TFB1M: variants seen among roughly 807,000 people sequenced by gnomAD.
TFB1M encodes transcription factor B1, mitochondrial.
Under a neutral mutation model 31.1 loss-of-function variants are expected in TFB1M, and 27 were observed. That is an observed-to-expected ratio of 0.87 (90% CI 0.64 to 1.20). The LOEUF (loss-of-function observed/expected upper bound fraction) is 1.20, where lower values mean the gene tolerates loss of function less well. TFB1M is among the 50% of genes most tolerant of loss of function. The pLI is 0.00. For missense variants in TFB1M, 394 were observed against 418.7 expected (o/e 0.94, Z 0.51); for synonymous variants, 166 against 151.8 (o/e 1.09, Z -0.69).
the TFB1M span, chr6:155,244,651 C>T: frequency 6.2e-7 from 1 of 1,613,552 alleles, no homozygotes; most frequent in African/African-American, 1.3e-5. Flanking sequence ...TCCTGATCTT[C>T]ACATAGATGG....
Position 155,285,256 on chromosome 6 carries a change from T to C in TFB1M, c.568A>G (p.Ser190Gly), listed in dbSNP as rs750304260. ...VAERLAANTG[S>G]KQRSRLSVMA... ...ACAGAGAGGCGACTACGCTGTTTGCTTCCTGTATTGGCTGCAAGTCTCTAG... is the reference window on the plus strand; with the variant it reads ...ACAGAGAGGCGACTACGCTGTTTGCCTCCTGTATTGGCTGCAAGTCTCTAG... The change falls in exon 5 of 7, where the codon AGC becomes GGC. Residue 190 changes from serine to glycine, a missense_variant. Transcript: ENST00000367166. The C allele has an allele frequency of 1.9e-6, 3 of 1,613,918 alleles. No individual in the cohort carries two copies. The highest frequency in any genetic ancestry group is 1.3e-5 in the African/African-American group (1 of 74,936).
chr6:155,302,400 C>A (rs920727945), intron 2 of TFB1M, among the ~76,000 whole-genome samples: 9 of 152,038 alleles, frequency 5.9e-5, no homozygotes, highest in African/African-American at 2.2e-4. Context: ...AATTTGTATT[C>A]TTATATATAA....
At chr6:155,241,578 C>T in the TFB1M span, among the ~76,000 whole-genome samples, 174 of 152,254 alleles carry the variant, frequency 1.1e-3, 1 homozygote, top group African/African-American at 3.9e-3. Context: ...GCGGCTATTA[C>T]CTTGCTCTGC....
At chr6:155,300,505 T>C (rs555365298) in intron 2 of TFB1M, among the ~76,000 whole-genome samples, 1 of 152,308 alleles carries the variant, frequency 6.6e-6, no homozygotes, top group Non-Finnish European at 1.5e-5. Context: ...GTACTTATCA[T>C]CAATGGAAAA....
intron 1 of TFB1M, chr6:155,313,362 T>G (rs1466017699): frequency 1.3e-5 from 2 of 152,212 alleles, no homozygotes; most frequent in African/African-American, 4.8e-5. Flanking sequence ...TTTTATGTTT[T>G]CTGGAGTGTG....
downstream of TFB1M, chr6:155,254,481 G>A: frequency 6.2e-7 from 1 of 1,614,132 alleles, no homozygotes; most frequent in Non-Finnish European, 8.5e-7. Flanking sequence ...GAGAACTTCA[G>A]GCGTCACATA....
chr6:155,261,892 G>T (rs1784409465), intron 5 of TFB1M, among the ~76,000 whole-genome samples: 1 of 152,226 alleles, frequency 6.6e-6, no homozygotes, highest in Non-Finnish European at 1.5e-5. Flanking sequence ...TTCTTGTGAA[G>T]ATTCTATGGT....
At chr6:155,236,820 A>G in the TFB1M span, among the ~76,000 whole-genome samples, 1 of 152,222 alleles carries the variant, frequency 6.6e-6, no homozygotes, top group Non-Finnish European at 1.5e-5. Context: ...CCATGATTCA[A>G]TCATCTCCCA....
chr6:155,292,778 C>G (rs1386265797), intron 4 of TFB1M, among the ~76,000 whole-genome samples: 1 of 152,066 alleles, frequency 6.6e-6, no homozygotes, highest in Non-Finnish European at 1.5e-5. Flanking sequence ...TAAAAGAGTA[C>G]AGAAATGATA....
chr6:155,304,222 C>T (rs144217648), intron 2 of TFB1M, among the ~76,000 whole-genome samples: 2 of 152,154 alleles, frequency 1.3e-5, no homozygotes, highest in East Asian at 3.9e-4. Flanking sequence ...GTGGAGCTTG[C>T]AGTGAGCCGA....
chr6:155,281,698 G>A (rs950440539), intron 5 of TFB1M, among the ~76,000 whole-genome samples: 1 of 144,902 alleles, frequency 6.9e-6, no homozygotes, highest in South Asian at 2.2e-4. Flanking sequence ...CTCCAGCCTG[G>A]GCGGCAGAGT....
Position 155,256,334 on chromosome 6 carries a change from ATT to A in TFB1M, c.*1500_*1501del. On this transcript the variant is annotated 3_prime_UTR_variant, in exon 7 of 7. Transcript: ENST00000367166. ...AAATGTCCATGTTTTCAGTAGCTAC[ATT>A]TTTGCCTAATTACCAGGATAGTTGC... 1.7e-6 allele frequency: 2 copies of A among 1,153,442 alleles called. No individual in the cohort carries two copies. The highest frequency in any genetic ancestry group is 2.4e-6 in the Non-Finnish European group (2 of 827,246). 71.5% of individuals were successfully genotyped at this position (1,153,442 alleles called of 1,614,324 possible).
chr6:155,293,208 G>A (rs1290154817), intron 4 of TFB1M, among the ~76,000 whole-genome samples: 1 of 152,078 alleles, frequency 6.6e-6, no homozygotes, highest in Non-Finnish European at 1.5e-5. Context: ...TGAATGTAAT[G>A]AGGACAGAAA....
intron 5 of TFB1M, among the ~76,000 whole-genome samples, chr6:155,271,012 C>A (rs1784891777): frequency 6.6e-6 from 1 of 152,116 alleles, no homozygotes; most frequent in African/African-American, 2.4e-5. Context: ...AAAGCAAACC[C>A]ACAGATGTTA....
chr6:155,257,501 G>T lies in TFB1M; in HGVS notation c.*335C>A. ...GGCATTTTCTTTCAGCTGTTTGTTA[G>T]TTTTTGCTTTATTTAAAGCATATTT... On this transcript the variant is annotated 3_prime_UTR_variant, in exon 7 of 7. Transcript: ENST00000367166. The T allele has an allele frequency of 2.9e-6, 1 of 339,498 alleles. No individual in the cohort carries two copies. Among genetic ancestry groups the T allele is most frequent in the Non-Finnish European group, 5.4e-6 (1 of 186,038 alleles). 21.0% of individuals were successfully genotyped at this position (339,498 alleles called of 1,614,324 possible). A position where few individuals can be genotyped will look rare whatever the true frequency, so the allele number is the denominator to read the frequency against.
At position 155,257,932 on chromosome 6, in the gene TFB1M, T is replaced by C; in HGVS notation, c.945A>G (p.Pro315=). The C allele has an allele frequency of 1.9e-6, 3 of 1,614,220 alleles. No homozygotes were observed. Among genetic ancestry groups the C allele is most frequent in the Non-Finnish European group, 2.5e-6 (3 of 1,180,044 alleles). ...DVYRKMCDED[P]QLFAYNFREE... ...CTCTGAAATTATATGCAAAGAGTTG[T>C]GGGTCTTCATCACACATTTTTCTGT... is the stretch of plus-strand genomic sequence containing the variant. Residue 315 remains proline (P), a synonymous_variant, in exon 7 of 7, where the codon CCA becomes CCG. Transcript: ENST00000367166.
intron 2 of TFB1M, among the ~76,000 whole-genome samples, chr6:155,305,820 A>G (rs2114805721): frequency 7.1e-6 from 1 of 139,940 alleles, no homozygotes; most frequent in East Asian, 2.0e-4. Context: ...CAAATATTTT[A>G]AAAATAAGAC....
chr6:155,268,990 A>AC (rs1442850118), intron 5 of TFB1M, among the ~76,000 whole-genome samples: 3 of 150,798 alleles, frequency 2.0e-5, no homozygotes, highest in African/African-American at 7.3e-5. Flanking sequence ...AAAAATTAAA[A>AC]AAAAAAAAAA....
intron 4 of TFB1M, among the ~76,000 whole-genome samples, chr6:155,295,137 C>T (rs185178194): frequency 6.6e-6 from 1 of 152,094 alleles, no homozygotes; most frequent in Admixed American, 6.5e-5. Context: ...GAGGCTGAGG[C>T]GGGTGGATCA....
Sources: gnomAD v4.1 joint callset for allele counts (sites outside exome capture counted in the v4.1 genomes callset) on GRCh38, gnomAD v4.1.1 for gene constraint, MANE v1.5 for transcripts, NCBI Gene and HGNC (gene_info 2026-07-23, HGNC 2026-07-21) for gene names.